FRAS1: variants seen among roughly 807,000 people sequenced by gnomAD.
The protein encoded by FRAS1 is Fraser extracellular matrix complex subunit 1.
A neutral mutation model predicts 435.2 loss-of-function variants in FRAS1; 290 were observed. That is an observed-to-expected ratio of 0.67 (90% CI 0.61 to 0.73). The LOEUF (loss-of-function observed/expected upper bound fraction) is 0.73. Among genes scored for constraint, FRAS1 ranks in the 30% least tolerant of loss-of-function variants. The pLI, the probability that FRAS1 is intolerant of heterozygous loss-of-function variation, is 0.00. For missense variants in FRAS1, 4,860 were observed against 5,001.5 expected (o/e 0.97, Z 0.85); for synonymous variants, 1,800 against 1,851.0 (o/e 0.97, Z 0.71).
Position 78,460,565 on chromosome 4 carries a change from G to A in FRAS1, c.6764-3456G>A, listed in dbSNP as rs56660393. On this transcript the variant is annotated intron_variant, in intron 47 of 73. Coordinates refer to ENST00000512123, the MANE Select transcript of FRAS1 (RefSeq NM_025074.7). ...GATTGAAAATATAGTCATGTATTGC[G>A]TAACAATTCTGAGAAATGCATTGTC... Among the ~76,000 whole-genome samples, 693 of 152,278 alleles carry A rather than the reference G, an allele frequency of 4.6e-3. 5 individuals are homozygous for A. Among genetic ancestry groups the A allele is most frequent in the Non-Finnish European group, 5.7e-3 (387 of 68,020 alleles).
intron 20 of FRAS1, among the ~76,000 whole-genome samples, chr4:78,343,309 G>GA (rs11431506): frequency 0.66 from 99,859 of 151,968 alleles, 33,426 homozygotes; most frequent in African/African-American, 0.71. Flanking sequence ...CAATATTTTG[G>GA]AGTCCTTAAC....
intron 2 of FRAS1, among the ~76,000 whole-genome samples, chr4:78,114,489 A>G (rs1210092030): frequency 2.0e-5 from 3 of 151,356 alleles, no homozygotes; most frequent in Admixed American, 6.6e-5. Flanking sequence ...ATTTGTTTGT[A>G]TCCTCTTTTA....
intron 21 of FRAS1, 118 bp from the exon 22 acceptor site, chr4:78,363,790 C>A: frequency 1.4e-6 from 2 of 1,429,216 alleles, no homozygotes; most frequent in Non-Finnish European, 1.9e-6. Flanking sequence ...TTCCATGGGA[C>A]TGTAAACCAG....
chr4:78,118,817 C>G (rs927789237), intron 2 of FRAS1, among the ~76,000 whole-genome samples: 1 of 152,132 alleles, frequency 6.6e-6, no homozygotes. Context: ...GTGCGCTGCA[C>G]TCACTGTCCT....
intron 2 of FRAS1, among the ~76,000 whole-genome samples, chr4:78,080,175 A>G (rs1043386230): frequency 6.6e-6 from 1 of 152,226 alleles, no homozygotes; most frequent in African/African-American, 2.4e-5. Context: ...GGAACTAACA[A>G]TAAAAGGCCT....
chr4:78,436,984 G>T (rs142243465), intron 38 of FRAS1, among the ~76,000 whole-genome samples: 3 of 152,238 alleles, frequency 2.0e-5, no homozygotes, highest in African/African-American at 4.8e-5. Context: ...GGGATAAGAA[G>T]ATCTTTGAGC....
chr4:78,421,859 C>T lies in FRAS1; in HGVS notation c.4541-4C>T. The T allele has an allele frequency of 6.2e-7, 1 of 1,613,774 alleles. No individual in the cohort carries two copies. Among genetic ancestry groups the T allele is most frequent in the Non-Finnish European group, 8.5e-7 (1 of 1,179,758 alleles). On this transcript the variant is annotated splice_region_variant and splice_polypyrimidine_tract_variant and intron_variant, in intron 33 of 73. Coordinates refer to ENST00000512123, the MANE Select transcript of FRAS1 (RefSeq NM_025074.7). ...GATGCTGAGGCCAAATCTCTTCCTC[C>T]CAGGTATCATCGAGCACCGGGACCA...
At chr4:78,263,233 A>T (rs1726200014) in intron 6 of FRAS1, among the ~76,000 whole-genome samples, 3 of 152,168 alleles carry the variant, frequency 2.0e-5, no homozygotes, top group Non-Finnish European at 2.9e-5. Flanking sequence ...GCCCAGATGG[A>T]TCTCAGCTCT....
chr4:78,519,183 GT>G lies in FRAS1; in HGVS notation c.10390-147del. 1.2e-5 allele frequency: 5 copies of G among 403,826 alleles called. 1 individual carries two copies. Among genetic ancestry groups the G allele is most frequent in the Non-Finnish European group, 4.2e-6 (1 of 235,360 alleles). 25.0% of individuals were successfully genotyped at this position (403,826 alleles called of 1,614,324 possible). A position where few individuals can be genotyped will look rare whatever the true frequency, so the allele number is the denominator to read the frequency against. The stretch of plus-strand genomic sequence containing the variant: ...TTAGTTCCTTTATTTTTTTAAATAA[GT>G]AAGTGCAATCATGGGCACTTGCTTA... On this transcript the variant is annotated intron_variant, in intron 66 of 73. Transcript: ENST00000512123.
At chr4:78,154,549 C>G (rs572553721) in intron 2 of FRAS1, among the ~76,000 whole-genome samples, 1 of 152,306 alleles carries the variant, frequency 6.6e-6, no homozygotes, top group African/African-American at 2.4e-5. Flanking sequence ...ACTGTACTCT[C>G]TTTACACCTA....
chr4:78,345,987 A>G (rs899468674), intron 20 of FRAS1, among the ~76,000 whole-genome samples: 1 of 152,198 alleles, frequency 6.6e-6, no homozygotes. Context: ...AAACCTCCCA[A>G]CAAAGTCAGT....
At chr4:78,335,904 T>G (rs76269463) in intron 19 of FRAS1, among the ~76,000 whole-genome samples, 1 of 35,976 alleles carries the variant, frequency 2.8e-5, no homozygotes, top group Non-Finnish European at 6.4e-5. Context: ...TGTGTGGTGG[T>G]TTTTTTTTTT....
chr4:78,360,076 T>TA (rs1387247908), intron 20 of FRAS1, among the ~76,000 whole-genome samples: 4 of 152,124 alleles, frequency 2.6e-5, no homozygotes, highest in African/African-American at 7.2e-5. Flanking sequence ...TAGAAAAAGT[T>TA]AAAGGCTGTG....
At chr4:78,438,800 A>G (rs1255778823) in intron 39 of FRAS1, 82 bp downstream of exon 39, 4 of 1,501,996 alleles carry the variant, frequency 2.7e-6, no homozygotes, top group African/African-American at 2.8e-5. Flanking sequence ...AGCTCTGTTG[A>G]AAGAATATAT....
intron 13 of FRAS1, among the ~76,000 whole-genome samples, chr4:78,285,379 A>AG (rs576806276): frequency 3.0e-4 from 46 of 151,542 alleles, no homozygotes; most frequent in Non-Finnish European, 4.7e-4. Flanking sequence ...AGAAAAAAAA[A>AG]GTGTGTAGGT....
At chr4:78,395,867 G>A (rs551818227) in intron 29 of FRAS1, among the ~76,000 whole-genome samples, 1 of 152,084 alleles carries the variant, frequency 6.6e-6, no homozygotes, top group South Asian at 2.1e-4. Flanking sequence ...TTGTTGATAG[G>A]TAAGAACTTA....
At chr4:78,507,239 C>G (rs1408186080) in intron 61 of FRAS1, among the ~76,000 whole-genome samples, 182 bp from the exon 62 acceptor site, 1 of 152,194 alleles carries the variant, frequency 6.6e-6, no homozygotes, top group Non-Finnish European at 1.5e-5. Context: ...GGAATTTGGT[C>G]TGTAAAAAAG....
chr4:78,395,302 T>G (rs1732613241), intron 29 of FRAS1, among the ~76,000 whole-genome samples: 1 of 152,038 alleles, frequency 6.6e-6, no homozygotes, highest in South Asian at 2.1e-4. Flanking sequence ...TGGAGAATGT[T>G]CCATATGTGC....
At chr4:78,381,126 C>T (rs1731998033) in intron 27 of FRAS1, among the ~76,000 whole-genome samples, 1 of 152,112 alleles carries the variant, frequency 6.6e-6, no homozygotes, top group African/African-American at 2.4e-5. Context: ...TGCCTTTAGC[C>T]ACAATGATTT....
Sources: allele counts gnomAD v4.1 joint callset (sites outside exome capture counted in the v4.1 genomes callset), GRCh38; gene constraint gnomAD v4.1.1; transcripts MANE v1.5; gene names NCBI Gene and HGNC (gene_info 2026-07-23, HGNC 2026-07-21).